Variants in ASPSCR1 observed in about 807,000 individuals in gnomAD.
The protein encoded by ASPSCR1 is ASPSCR1 tether for SLC2A4, UBX domain containing.
ASPSCR1 carries 55 observed loss-of-function variants against 68.9 expected under a neutral mutation model. The observed-to-expected ratio is 0.80, with a 90% CI of 0.64 to 1.00. The LOEUF is 1.00. Ranked by LOEUF, ASPSCR1 falls within the 50% of genes least tolerant of loss-of-function variation. ASPSCR1 has a pLI of 0.00. For missense variants in ASPSCR1, 765 were observed against 762.2 expected (o/e 1.00, Z -0.04); for synonymous variants, 352 against 332.6 (o/e 1.06, Z -0.63).
chr17:81,995,932 C>T, intron 5 of ASPSCR1, 60 bp from the exon 6 acceptor site: 1 of 1,552,484 alleles, frequency 6.4e-7, no homozygotes, highest in Non-Finnish European at 8.8e-7. Flanking sequence ...GCCCGGAGGG[C>T]TTCCCTGGGC....
At chr17:81,991,844 C>G (rs1423621393) in intron 4 of ASPSCR1, among the ~76,000 whole-genome samples, 1 of 152,264 alleles carries the variant, frequency 6.6e-6, no homozygotes, top group Non-Finnish European at 1.5e-5. Context: ...TTGCGCCCGG[C>G]TTTGTCATAC....
intron 9 of ASPSCR1, 123 bp from the exon 10 acceptor site, chr17:82,010,678 TG>T: frequency 1.0e-6 from 1 of 973,586 alleles, no homozygotes; most frequent in Non-Finnish European, 1.6e-6. Context: ...TGATTGGGGG[TG>T]GCTGCTTCTG....
chr17:81,979,346 A>G lies in ASPSCR1; in HGVS notation c.158+107A>G, dbSNP rs954343258. 1.3e-5 allele frequency: 16 copies of G among 1,262,654 alleles called. No homozygotes were observed. In the African/African-American group the frequency reaches 1.8e-4, roughly 14 times the overall value. The allele number at this position is 1,262,654 out of a possible 1,614,324, so 78.2% of individuals were successfully genotyped here. On this transcript the variant is annotated intron_variant, in intron 2 of 15. Transcript: ENST00000306739. ...AGCCCCCAGGTGGTTTTAAACAGTC[A>G]TATATTCCCTCCCAACTCTGGAGAC...
rs1436905427 is a variant in ASPSCR1 at position 81,999,837 on chromosome 17, C to T, written c.933+2991C>T. Among the ~76,000 whole-genome samples the T allele has an allele frequency of 1.3e-5, 2 of 152,156 alleles. No individual in the cohort carries two copies. Among genetic ancestry groups the T allele is most frequent in the African/African-American group, 2.4e-5 (1 of 41,438 alleles). On this transcript the variant is annotated intron_variant, in intron 7 of 15. Coordinates refer to ENST00000306739, the MANE Select transcript of ASPSCR1 (RefSeq NM_024083.4). The surrounding 1 kb of genome is among the most constrained non-coding windows in gnomAD (Gnocchi z 4.4). The stretch of plus-strand genomic sequence containing the variant: ...GCCACACACCTGGGAGGGCAGAGGC[C>T]GGGCGTCTGCACCGTGTTGGATGTG...
rs1357328227 is a variant in ASPSCR1 at position 81,986,924 on chromosome 17, C to T, written c.374+1317C>T. Among the ~76,000 whole-genome samples, 1 of 152,144 alleles carries T rather than the reference C, an allele frequency of 6.6e-6. No homozygotes were observed. The highest frequency in any genetic ancestry group is 2.1e-4 in the South Asian group (1 of 4,826). On this transcript the variant is annotated intron_variant, in intron 4 of 15. Coordinates refer to ENST00000306739, the MANE Select transcript of ASPSCR1 (RefSeq NM_024083.4). The surrounding 1 kb of genome is among the most constrained non-coding windows in gnomAD (Gnocchi z 5.2). ...GGATGGAAGCCACCCCAGTGGCTGT[C>T]GGGGTGAATGGAGGCCCCTGGAGAT...
chr17:81,981,030 T>C (rs1337023769), intron 2 of ASPSCR1, among the ~76,000 whole-genome samples: 2 of 152,024 alleles, frequency 1.3e-5, no homozygotes, highest in Non-Finnish European at 2.9e-5. Context: ...AATAAATAAA[T>C]AAATGGCAAA....
At chr17:81,981,443 A>G (rs1486745829) in intron 2 of ASPSCR1, among the ~76,000 whole-genome samples, 1 of 152,148 alleles carries the variant, frequency 6.6e-6, no homozygotes, top group African/African-American at 2.4e-5. Context: ...CAGTGGCGCT[A>G]TCTCGGCTCA....
chr17:81,985,026 C>A (rs1303995072), intron 3 of ASPSCR1, among the ~76,000 whole-genome samples: 1 of 128,032 alleles, frequency 7.8e-6, no homozygotes, highest in Non-Finnish European at 1.7e-5. Context: ...ACCGCCCACA[C>A]CAACATGCAC....
intron 11 of ASPSCR1, chr17:82,012,002 GC>G (rs2042964504): frequency 4.6e-6 from 3 of 652,334 alleles, no homozygotes; most frequent in Non-Finnish European, 8.3e-6. Flanking sequence ...TGCAAGGGGA[GC>G]CGGGCTGCAC....
chr17:82,009,673 C>T, intron 9 of ASPSCR1, 106 bp downstream of exon 9: 2 of 866,564 alleles, frequency 2.3e-6, no homozygotes, highest in Non-Finnish European at 3.5e-6. Flanking sequence ...GAGCGGGCCC[C>T]CTGTGAGGTC....
chr17:81,979,762 G>T (rs776242741), intron 2 of ASPSCR1, among the ~76,000 whole-genome samples: 1 of 152,066 alleles, frequency 6.6e-6, no homozygotes, highest in South Asian at 2.1e-4. Flanking sequence ...TGGAGAAATA[G>T]GATGCCTTGA....
intron 4 of ASPSCR1, among the ~76,000 whole-genome samples, chr17:81,994,306 C>A (rs1365780958): frequency 6.6e-6 from 1 of 152,244 alleles, no homozygotes; most frequent in Non-Finnish European, 1.5e-5. Flanking sequence ...GAGCGGAGTG[C>A]AGCGCCCCTC....
intron 1 of ASPSCR1, among the ~76,000 whole-genome samples, 166 bp from the exon 2 acceptor site, chr17:81,979,018 C>A (rs1252557579): frequency 1.3e-5 from 2 of 152,128 alleles, no homozygotes; most frequent in East Asian, 3.9e-4. Flanking sequence ...CAGGTGAGAG[C>A]CTGCATTTGT....
chr17:82,015,369 G>A (rs2144105541), intron 12 of ASPSCR1: 1 of 1,594,546 alleles, frequency 6.3e-7, no homozygotes, highest in Non-Finnish European at 8.5e-7. Flanking sequence ...AGGCTGCCTG[G>A]CTCAGTGCTC....
At chr17:81,982,151 T>C (rs2041816098) in intron 2 of ASPSCR1, among the ~76,000 whole-genome samples, 1 of 151,892 alleles carries the variant, frequency 6.6e-6, no homozygotes, top group Non-Finnish European at 1.5e-5. Flanking sequence ...GTATTTTTAG[T>C]AGAGACGGAG....
chr17:82,013,232 C>G (rs2043011717), intron 12 of ASPSCR1: 1 of 152,114 alleles, frequency 6.6e-6, no homozygotes, highest in Non-Finnish European at 1.5e-5. Flanking sequence ...GGCCTCCTTC[C>G]TCCGTCTCCA....
chr17:81,980,388 G>C (rs865879769), intron 2 of ASPSCR1, among the ~76,000 whole-genome samples: 10 of 152,242 alleles, frequency 6.6e-5, no homozygotes, highest in Non-Finnish European at 8.8e-5. Flanking sequence ...CCTGGGAGGA[G>C]TTTCTTAGGG....
intron 9 of ASPSCR1, 100 bp from the exon 10 acceptor site, chr17:82,010,702 C>T: frequency 1.5e-6 from 2 of 1,300,440 alleles, no homozygotes; most frequent in Admixed American, 1.7e-5. Context: ...TGCCTCAGCC[C>T]TGGTGTCCAT....
chr17:81,995,754 C>G (rs2042314507), intron 5 of ASPSCR1, among the ~76,000 whole-genome samples: 1 of 152,244 alleles, frequency 6.6e-6, no homozygotes, highest in Non-Finnish European at 1.5e-5. Flanking sequence ...CTGCGGAGAC[C>G]AGGCTGGGGG....
Sources: allele counts gnomAD v4.1 joint callset (sites outside exome capture counted in the v4.1 genomes callset), GRCh38; gene constraint gnomAD v4.1.1; non-coding constraint Gnocchi (gnomAD v3.1); transcripts MANE v1.5; gene names NCBI Gene and HGNC (gene_info 2026-07-23, HGNC 2026-07-21).